The following ZNF385D variants were observed in gnomAD, a reference collection of about 807,000 sequenced individuals.
ZNF385D encodes the protein zinc finger protein 659.
In ZNF385D, 15 loss-of-function variants were observed where a neutral mutation model predicts 35.8. That is an observed-to-expected ratio of 0.42 (90% confidence interval 0.28 to 0.64). ZNF385D has a LOEUF of 0.64. Among genes scored for constraint, ZNF385D ranks in the 30% least tolerant of loss-of-function variants. The pLI is 0.23. For missense variants in ZNF385D, 474 were observed against 494.6 expected (o/e 0.96, Z 0.39); for synonymous variants, 212 against 186.8 (o/e 1.13, Z -1.10).
chr3:21,860,978 G>A (rs1697019900), intron 3 of ZNF385D, among the ~76,000 whole-genome samples: 1 of 152,038 alleles, frequency 6.6e-6, no homozygotes, highest in African/African-American at 2.4e-5. Flanking sequence ...ATTTTTTATG[G>A]CTGATATATG....
At chr3:22,279,160 T>A (rs1174011799) in intron 2 of ZNF385D, among the ~76,000 whole-genome samples, 1 of 152,038 alleles carries the variant, frequency 6.6e-6, no homozygotes, top group Non-Finnish European at 1.5e-5. Context: ...TTTGGTTACA[T>A]GAATAAGTTA....
At chr3:21,930,994 A>G (rs1700976843) in intron 3 of ZNF385D, among the ~76,000 whole-genome samples, 1 of 152,140 alleles carries the variant, frequency 6.6e-6, no homozygotes, top group South Asian at 2.1e-4. Flanking sequence ...CTGTGCTTTA[A>G]AAAGGACCCT....
At chr3:22,002,437 A>G (rs1275516872) in intron 3 of ZNF385D, among the ~76,000 whole-genome samples, 1 of 152,138 alleles carries the variant, frequency 6.6e-6, no homozygotes, top group Admixed American at 6.5e-5. Context: ...TTGGTAGTAA[A>G]AAGTCTTCCA....
At chr3:22,127,125 A>G (rs6805731) in intron 3 of ZNF385D, among the ~76,000 whole-genome samples, 24,621 of 151,788 alleles carry the variant, frequency 0.16, 2,609 homozygotes, top group Middle Eastern at 0.25. Flanking sequence ...CTTTTTATCC[A>G]TTCAGTCACT....
At chr3:22,110,184 T>C (rs1357357315) in intron 3 of ZNF385D, among the ~76,000 whole-genome samples, 3 of 152,140 alleles carry the variant, frequency 2.0e-5, no homozygotes, top group African/African-American at 7.2e-5. Context: ...TTTCATACTG[T>C]TGGTGGGACT....
intron 2 of ZNF385D, among the ~76,000 whole-genome samples, chr3:22,363,102 A>C (rs1350439148): frequency 1.3e-5 from 2 of 152,124 alleles, no homozygotes; most frequent in African/African-American, 2.4e-5. Flanking sequence ...CAAGAAATTG[A>C]TATTTTCCAG....
At chr3:21,573,051 T>G (rs991626470) in intron 2 of ZNF385D, among the ~76,000 whole-genome samples, 5 of 152,192 alleles carry the variant, frequency 3.3e-5, no homozygotes, top group African/African-American at 1.2e-4. Flanking sequence ...AGCTGTGATT[T>G]AAATTCAAGA....
At chr3:22,297,869 C>G (rs571744969) in intron 2 of ZNF385D, among the ~76,000 whole-genome samples, 1 of 152,128 alleles carries the variant, frequency 6.6e-6, no homozygotes, top group South Asian at 2.1e-4. Context: ...TTTAAACGTA[C>G]AACGCGTATT....
chr3:21,496,534 TATATC>T (rs201467420), intron 4 of ZNF385D, among the ~76,000 whole-genome samples: 22,839 of 138,604 alleles, frequency 0.16, 2,034 homozygotes, highest in Admixed American at 0.25. Flanking sequence ...ATTTGATATA[TATATC>T]ATATATATAT....
intron 3 of ZNF385D, among the ~76,000 whole-genome samples, chr3:22,167,519 T>A (rs1706413916): frequency 6.6e-6 from 1 of 152,182 alleles, no homozygotes; most frequent in African/African-American, 2.4e-5. Context: ...CTTAGACATG[T>A]GACAAGGGCT....
At chr3:21,953,622 T>TG (rs1702160383) in intron 3 of ZNF385D, among the ~76,000 whole-genome samples, 1 of 152,062 alleles carries the variant, frequency 6.6e-6, no homozygotes, top group African/African-American at 2.4e-5. Context: ...ATTTTTTACC[T>TG]CAACTAAACC....
intron 3 of ZNF385D, among the ~76,000 whole-genome samples, chr3:21,882,375 T>C (rs560384389): frequency 6.6e-6 from 1 of 151,798 alleles, no homozygotes; most frequent in East Asian, 1.9e-4. Flanking sequence ...GTGCTTCAGA[T>C]GATTGTAAGC....
chr3:22,066,207 C>T (rs1280176137), intron 3 of ZNF385D, among the ~76,000 whole-genome samples: 2 of 151,508 alleles, frequency 1.3e-5, no homozygotes, highest in Non-Finnish European at 2.9e-5. Flanking sequence ...AAAAGTTATG[C>T]TCAGAAAAGA....
chr3:21,681,792 T>TA (rs2066919972), intron 1 of ZNF385D, among the ~76,000 whole-genome samples: 1 of 146,936 alleles, frequency 6.8e-6, no homozygotes, highest in East Asian at 2.0e-4. Flanking sequence ...ATCAAGACTG[T>TA]AAATCAAACT....
intron 3 of ZNF385D, among the ~76,000 whole-genome samples, chr3:21,803,425 T>A (rs55953806): frequency 2.0e-5 from 3 of 152,100 alleles, no homozygotes; most frequent in African/African-American, 7.2e-5. Context: ...ATAGGAGTCA[T>A]TGATATTTAA....
In ZNF385D at chr3:21,727,680, G is replaced by A. The variant is rs191606336; in HGVS notation, c.22+23215C>T. On this transcript the variant is annotated intron_variant, in intron 1 of 7. Coordinates refer to ENST00000281523, the MANE Select transcript of ZNF385D (RefSeq NM_024697.3). ...GTCAGGAAACAACAGATGCTGGAGAGGATGTGGAGAAATAGGAACACTTAC... is the reference window on the plus strand; with the variant it reads ...GTCAGGAAACAACAGATGCTGGAGAAGATGTGGAGAAATAGGAACACTTAC... Among the ~76,000 whole-genome samples the A allele has an allele frequency of 2.1e-3, 320 of 152,312 alleles. 4 individuals are homozygous for A. The highest frequency in any genetic ancestry group is 0.017 in the Admixed American group (265 of 15,296).
chr3:22,182,587 T>C (rs1310950562), intron 2 of ZNF385D, among the ~76,000 whole-genome samples: 1 of 152,142 alleles, frequency 6.6e-6, no homozygotes, highest in African/African-American at 2.4e-5. Flanking sequence ...GACTAATGTA[T>C]CACTATCGAA....
chr3:21,954,890 G>T (rs766513097), intron 3 of ZNF385D, among the ~76,000 whole-genome samples: 4 of 152,050 alleles, frequency 2.6e-5, no homozygotes, highest in Non-Finnish European at 5.9e-5. Flanking sequence ...TAATGAAAAG[G>T]AATGTAGCAC....
intron 2 of ZNF385D, among the ~76,000 whole-genome samples, chr3:22,336,686 T>C (rs988911797): frequency 6.6e-6 from 1 of 151,918 alleles, no homozygotes; most frequent in African/African-American, 2.4e-5. Flanking sequence ...TGCTTCTGTA[T>C]CATTTCTATT....
Sources: gnomAD v4.1 joint callset for allele counts (sites outside exome capture counted in the v4.1 genomes callset) on GRCh38, gnomAD v4.1.1 for gene constraint, MANE v1.5 for transcripts, NCBI Gene and HGNC (gene_info 2026-07-23, HGNC 2026-07-21) for gene names.